Variants in KCNH7 observed in about 807,000 individuals in gnomAD.
KCNH7 encodes voltage-gated inwardly rectifying potassium channel KCNH7.
KCNH7 carries 49 observed loss-of-function variants against 120.8 expected under a neutral mutation model. The ratio of observed to expected loss-of-function variants is 0.41; its 90% CI spans 0.32 to 0.51. The LOEUF is 0.51. KCNH7 is among the 20% of genes least tolerant of loss of function. The probability of loss-of-function intolerance (pLI) is 0.38; values close to 1 mark genes in which losing one functional copy is unlikely to be tolerated. For synonymous variants in KCNH7, 547 were observed against 516.1 expected (o/e 1.06, Z -0.81); for missense variants, 1,097 against 1,446.6 (o/e 0.76, Z 3.92).
chr2:162,379,853 C>A lies in KCNH7; in HGVS notation c.3131G>T (p.Arg1044Met). The A allele has an allele frequency of 6.2e-7, 1 of 1,613,778 alleles. No homozygotes were observed. Among genetic ancestry groups the A allele is most frequent in the Non-Finnish European group, 8.5e-7 (1 of 1,179,810 alleles). ...TCCTTTTGCCCATCACTGCTTATAC[C>A]TGTTAAGTTGCTCCTGGAGCAGATC... is the stretch of plus-strand genomic sequence containing the variant. ...RLDLLQEQLN[R>M]LESQMTTDIQ... The change falls in exon 14 of 16, where the codon AGG becomes ATG. Residue 1044 changes from arginine to methionine, a missense_variant and splice_region_variant. This residue lies in a region of KCNH7 where 406 missense variants were observed against 410.5 expected (regional missense o/e 0.99). Coordinates refer to ENST00000332142, the MANE Select transcript of KCNH7 (RefSeq NM_033272.4).
chr2:162,482,605 A>G (rs1479497569), intron 6 of KCNH7, among the ~76,000 whole-genome samples: 1 of 152,184 alleles, frequency 6.6e-6, no homozygotes, highest in Non-Finnish European at 1.5e-5. Flanking sequence ...AGCACTTTAA[A>G]AAAGTTATAT....
intron 6 of KCNH7, among the ~76,000 whole-genome samples, chr2:162,486,737 TA>T (rs1281079636): frequency 6.6e-6 from 1 of 152,130 alleles, no homozygotes; most frequent in African/African-American, 2.4e-5. Context: ...ATGTATATCC[TA>T]AAAAATCACC....
chr2:162,435,603 G>T lies in KCNH7; in HGVS notation c.1555-6C>A. The T allele has an allele frequency of 6.4e-7, 1 of 1,572,482 alleles. No individual in the cohort carries two copies. Among genetic ancestry groups the T allele is most frequent in the Non-Finnish European group, 8.6e-7 (1 of 1,159,384 alleles). On this transcript the variant is annotated splice_polypyrimidine_tract_variant and splice_region_variant and intron_variant, in intron 7 of 15. Transcript: ENST00000332142. ...AGACCAATTAATGTTGTTGTCTGTA[G>T]AAATAAATGTACACAGTCAGAAACG...
rs530537059 is a variant in KCNH7, at chr2:162,781,613, G to T, written c.307+54924C>A. Among the ~76,000 whole-genome samples, 3 of 152,198 alleles carry T rather than the reference G, an allele frequency of 2.0e-5. No homozygotes were observed. In the East Asian group the frequency reaches 5.8e-4, roughly 29 times the overall value. On this transcript the variant is annotated intron_variant, in intron 2 of 15. Transcript: ENST00000332142. The stretch of plus-strand genomic sequence containing the variant: ...AGTGATGTGGTAAGTAAGTAAAGGT[G>T]TTTTTGGATTTCATTACATATATTA...
chr2:162,772,906 T>C (rs925813114), intron 2 of KCNH7, among the ~76,000 whole-genome samples: 1 of 152,164 alleles, frequency 6.6e-6, no homozygotes, highest in South Asian at 2.1e-4. Flanking sequence ...AAAGGTCTAG[T>C]TTCCACTTTT....
intron 2 of KCNH7, among the ~76,000 whole-genome samples, chr2:162,724,955 T>A (rs1559101667): frequency 6.6e-6 from 1 of 152,328 alleles, no homozygotes; most frequent in African/African-American, 2.4e-5. Context: ...CTGAAGTGTG[T>A]TTTATTTTTG....
At chr2:162,601,567 T>A (rs1694559508) in intron 2 of KCNH7, among the ~76,000 whole-genome samples, 1 of 151,960 alleles carries the variant, frequency 6.6e-6, no homozygotes, top group Non-Finnish European at 1.5e-5. Context: ...TCTTTAACAT[T>A]TTGCTTGGAC....
At chr2:162,679,399 T>C (rs1325952283) in intron 2 of KCNH7, among the ~76,000 whole-genome samples, 2 of 151,678 alleles carry the variant, frequency 1.3e-5, no homozygotes, top group Non-Finnish European at 1.5e-5. Context: ...GATTGAGATA[T>C]ATTGTTTTAA....
At chr2:162,459,105 A>G (rs1328988388) in intron 6 of KCNH7, among the ~76,000 whole-genome samples, 1 of 151,066 alleles carries the variant, frequency 6.6e-6, no homozygotes, top group Non-Finnish European at 1.5e-5. Flanking sequence ...TTAAACTTGC[A>G]GAAGCAACGG....
At chr2:162,781,575 CAG>C (rs796594258) in intron 2 of KCNH7, among the ~76,000 whole-genome samples, 8 of 152,044 alleles carry the variant, frequency 5.3e-5, no homozygotes, top group African/African-American at 1.7e-4. Context: ...AAAGTAGTAA[CAG>C]GGGAGACAGC....
In KCNH7 at chr2:162,411,744, AAAT is replaced by A. The variant is rs199857979; in HGVS notation, c.2155-11306_2155-11304del. Among the ~76,000 whole-genome samples the A allele has an allele frequency of 3.5e-3, 533 of 151,780 alleles. 16 individuals are homozygous for A. Among genetic ancestry groups the A allele is most frequent in the Admixed American group, 0.03 (450 of 15,224 alleles). ...AAATCAACTATTAAGATATTTATTA[AAAT>A]AATAATTTTATTATTTTTAATTAAA... On this transcript the variant is annotated intron_variant, in intron 9 of 15. Coordinates refer to ENST00000332142, the MANE Select transcript of KCNH7 (RefSeq NM_033272.4).
At chr2:162,715,946 T>TTGTG (rs55649777) in intron 2 of KCNH7, among the ~76,000 whole-genome samples, 3,886 of 146,458 alleles carry the variant, frequency 0.027, 137 homozygotes, top group African/African-American at 0.079. Flanking sequence ...GAGCATGTCT[T>TTGTG]TGTGTGTGTG....
chr2:162,795,021 G>T (rs1684087730), intron 2 of KCNH7, among the ~76,000 whole-genome samples: 1 of 151,904 alleles, frequency 6.6e-6, no homozygotes, highest in African/African-American at 2.4e-5. Flanking sequence ...TATTTGACCA[G>T]TTGGTCAGTA....
chr2:162,663,946 C>A (rs995082227), intron 2 of KCNH7, among the ~76,000 whole-genome samples: 1 of 152,056 alleles, frequency 6.6e-6, no homozygotes, highest in African/African-American at 2.4e-5. Context: ...ATTTTCTGTC[C>A]GGATTCACTG....
At chr2:162,429,917 G>A (rs1688010522) in intron 8 of KCNH7, among the ~76,000 whole-genome samples, 1 of 145,196 alleles carries the variant, frequency 6.9e-6, no homozygotes, top group Non-Finnish European at 1.5e-5. Flanking sequence ...TGTAAATTCT[G>A]GTCCCATTTT....
intron 6 of KCNH7, among the ~76,000 whole-genome samples, chr2:162,480,511 A>G (rs989387581): frequency 1.3e-5 from 2 of 152,202 alleles, no homozygotes; most frequent in Non-Finnish European, 2.9e-5. Flanking sequence ...GTTTCCATCA[A>G]TAAAATTCAT....
chr2:162,427,810 A>G (rs937212560), intron 8 of KCNH7, among the ~76,000 whole-genome samples: 1 of 151,728 alleles, frequency 6.6e-6, no homozygotes, highest in African/African-American at 2.4e-5. Context: ...CTAAATTGTC[A>G]AGTTTATTGT....
intron 2 of KCNH7, among the ~76,000 whole-genome samples, chr2:162,732,238 T>C (rs1379462439): frequency 6.6e-6 from 1 of 152,030 alleles, no homozygotes; most frequent in African/African-American, 2.4e-5. Flanking sequence ...CTGATATTAG[T>C]AGTTAAGGGG....
chr2:162,551,687 C>T (rs993514224), intron 2 of KCNH7, among the ~76,000 whole-genome samples: 18 of 151,924 alleles, frequency 1.2e-4, no homozygotes, highest in East Asian at 3.9e-4. Context: ...ATGTATTGCA[C>T]GTATTGGACA....
Sources: gnomAD v4.1 joint callset for allele counts (sites outside exome capture counted in the v4.1 genomes callset) on GRCh38, gnomAD v4.1.1 for gene constraint, gnomAD v4.1.1 regional missense constraint, MANE v1.5 for transcripts, NCBI Gene and HGNC (gene_info 2026-07-23, HGNC 2026-07-21) for gene names.